RALGAPA2: variants seen among roughly 807,000 people sequenced by gnomAD.
The protein encoded by RALGAPA2 is ral GTPase-activating protein subunit alpha-2.
In RALGAPA2, 139 loss-of-function variants were observed where a neutral mutation model predicts 230.4. The ratio of observed to expected loss-of-function variants is 0.60; its 90% CI spans 0.53 to 0.69. The LOEUF (loss-of-function observed/expected upper bound fraction) is 0.69, where lower values mean the gene tolerates loss of function less well. Ranked by LOEUF, RALGAPA2 falls within the 30% of genes least tolerant of loss-of-function variation. RALGAPA2 has a pLI of 0.00. For synonymous variants in RALGAPA2, 847 were observed against 837.8 expected (o/e 1.01, Z -0.19); for missense variants, 2,163 against 2,276.0 (o/e 0.95, Z 1.01).
intron 15 of RALGAPA2, 92 bp from the exon 16 acceptor site, chr20:20,601,938 A>G: frequency 9.8e-6 from 11 of 1,123,744 alleles, no homozygotes; most frequent in Non-Finnish European, 1.3e-5. Flanking sequence ...ACCTACAACT[A>G]TATATAATCA....
chr20:20,536,109 A>G (rs1472273671), intron 25 of RALGAPA2, among the ~76,000 whole-genome samples: 1 of 152,242 alleles, frequency 6.6e-6, no homozygotes, highest in African/African-American at 2.4e-5. Context: ...ATTGAATTAT[A>G]TGTTGTACAC....
intron 16 of RALGAPA2, among the ~76,000 whole-genome samples, chr20:20,594,189 T>G (rs1328212743): frequency 6.6e-6 from 1 of 152,240 alleles, no homozygotes; most frequent in African/African-American, 2.4e-5. Flanking sequence ...TTAAATCCAA[T>G]TTCCTGATTT....
At chr20:20,427,617 G>A (rs1355048287) in intron 37 of RALGAPA2, among the ~76,000 whole-genome samples, 1 of 151,958 alleles carries the variant, frequency 6.6e-6, no homozygotes, top group Non-Finnish European at 1.5e-5. Flanking sequence ...GTCCTCCAGT[G>A]CTCCTGGGCA....
chr20:20,400,348 A>C (rs982897123), intron 38 of RALGAPA2, among the ~76,000 whole-genome samples: 6 of 152,188 alleles, frequency 3.9e-5, no homozygotes, highest in Admixed American at 2.6e-4. Flanking sequence ...CTTGGTTCAG[A>C]AGCCGAAAGC....
intron 32 of RALGAPA2, 114 bp from the exon 33 acceptor site, chr20:20,511,439 C>T: frequency 2.1e-6 from 3 of 1,419,706 alleles, no homozygotes; most frequent in Non-Finnish European, 2.8e-6. Flanking sequence ...ACCTCACTCA[C>T]AAAAGATTTG....
rs536659134 is a variant in RALGAPA2, at chr20:20,403,086, C to A, written c.5618-6352G>T. ...CTCTGACCCCCTATTTTAAAGTGCG[C>A]CCCCACCCCAGGTGTGTTGGATTTT... On this transcript the variant is annotated intron_variant, in intron 38 of 39. Transcript: ENST00000202677. Among the ~76,000 whole-genome samples, 6 of 152,190 alleles carry A rather than the reference C, an allele frequency of 3.9e-5. No individual in the cohort carries two copies. In the South Asian group the frequency reaches 1.2e-3, roughly 32 times the overall value.
chr20:20,658,695 G>C lies in RALGAPA2; in HGVS notation c.271-5108C>G, dbSNP rs570054463. Reference sequence around the variant, plus strand: ...CAGGGAATCTGTCATTCTTTTAACTGATTATCCATAGTTCTTTTTTCTTCA... The same window carrying C: ...CAGGGAATCTGTCATTCTTTTAACTCATTATCCATAGTTCTTTTTTCTTCA... On this transcript the variant is annotated intron_variant, in intron 3 of 39. Coordinates refer to ENST00000202677, the MANE Select transcript of RALGAPA2 (RefSeq NM_020343.4). Among the ~76,000 whole-genome samples the C allele has an allele frequency of 2.0e-5, 3 of 152,288 alleles. No individual in the cohort carries two copies. In the South Asian group the frequency reaches 6.2e-4, roughly 32 times the overall value.
chr20:20,622,615 A>C (rs2066357791), intron 10 of RALGAPA2, among the ~76,000 whole-genome samples: 1 of 152,190 alleles, frequency 6.6e-6, no homozygotes, highest in South Asian at 2.1e-4. Flanking sequence ...AACACTTCTA[A>C]AATGAAAGCA....
Position 20,396,648 on chromosome 20 carries a change from C to T in RALGAPA2, c.*35+47G>A. The T allele has an allele frequency of 2.6e-6, 4 of 1,547,824 alleles. No homozygotes were observed. In the South Asian group the frequency reaches 4.6e-5, roughly 18 times the overall value. ...GCCGATTAGAAAAGTCCCACCCCCT[C>T]CCCAAAGCAGGGTGGCTGGACAAAT... is the stretch of plus-strand genomic sequence containing the variant. On this transcript the variant is annotated intron_variant, in intron 39 of 39. Transcript: ENST00000202677.
chr20:20,622,652 A>G (rs1439704013), intron 10 of RALGAPA2, among the ~76,000 whole-genome samples: 1 of 152,218 alleles, frequency 6.6e-6, no homozygotes, highest in East Asian at 1.9e-4. Context: ...AGATGAGAAA[A>G]TTTGCTACCA....
At position 20,466,948 on chromosome 20, in the gene RALGAPA2, G is replaced by A. The variant is rs118081362; in HGVS notation, c.5495+5881C>T. ...TAATCCTAATGTGTGACTTTGCATC[G>A]TGTCAAATTAGTTAACCCTCTCAGC... On this transcript the variant is annotated intron_variant, in intron 37 of 39. Transcript: ENST00000202677. 7.4e-4 allele frequency among the ~76,000 whole-genome samples: 113 copies of A among 152,290 alleles called. 1 individual carries two copies. The East Asian group carries it at 0.02, about 27-fold the overall frequency.
At chr20:20,567,968 C>T (rs1458280424) in intron 23 of RALGAPA2, among the ~76,000 whole-genome samples, 1 of 151,552 alleles carries the variant, frequency 6.6e-6, no homozygotes, top group Non-Finnish European at 1.5e-5. Context: ...TTCAATAGTA[C>T]AACATCATGC....
intron 34 of RALGAPA2, among the ~76,000 whole-genome samples, chr20:20,503,916 C>T (rs1250757222): frequency 6.6e-6 from 1 of 152,106 alleles, no homozygotes; most frequent in African/African-American, 2.4e-5. Context: ...TCAAAAGGTA[C>T]CAATATTAAA....
At chr20:20,628,476 C>G (rs536285770) in intron 10 of RALGAPA2, among the ~76,000 whole-genome samples, 1 of 152,180 alleles carries the variant, frequency 6.6e-6, no homozygotes, top group South Asian at 2.1e-4. Context: ...TGGCACTGGC[C>G]ACACGCCACA....
At chr20:20,515,342 T>G (rs1042002372) in intron 31 of RALGAPA2, among the ~76,000 whole-genome samples, 1 of 152,174 alleles carries the variant, frequency 6.6e-6, no homozygotes, top group East Asian at 1.9e-4. Context: ...CGTCTCCCAC[T>G]GGGAAGGACA....
At chr20:20,600,323 T>C (rs1013709382) in intron 16 of RALGAPA2, among the ~76,000 whole-genome samples, 3 of 151,982 alleles carry the variant, frequency 2.0e-5, no homozygotes, top group African/African-American at 7.3e-5. Context: ...AAGAATCCAA[T>C]GATAAAAGCA....
chr20:20,458,832 A>AGG (rs1482363137), intron 37 of RALGAPA2, among the ~76,000 whole-genome samples: 19 of 143,110 alleles, frequency 1.3e-4, no homozygotes, highest in East Asian at 2.0e-4. Flanking sequence ...CTATATATAT[A>AGG]TATAGACCTA....
At chr20:20,593,204 A>G in intron 16 of RALGAPA2, among the ~76,000 whole-genome samples, 1 of 152,262 alleles carries the variant, frequency 6.6e-6, no homozygotes, top group Non-Finnish European at 1.5e-5. Flanking sequence ...TGCCCAGCCC[A>G]CAGTCTAACT....
At chr20:20,427,006 G>A (rs1040590697) in intron 37 of RALGAPA2, among the ~76,000 whole-genome samples, 1 of 152,202 alleles carries the variant, frequency 6.6e-6, no homozygotes, top group African/African-American at 2.4e-5. Context: ...GAGGAAAAGT[G>A]TTCTGTTCCA....
Sources: gnomAD v4.1 joint callset for allele counts (sites outside exome capture counted in the v4.1 genomes callset) on GRCh38, gnomAD v4.1.1 for gene constraint, MANE v1.5 for transcripts, NCBI Gene and HGNC (gene_info 2026-07-23, HGNC 2026-07-21) for gene names.